The following NRXN1 variants were observed in gnomAD, a reference collection of about 807,000 sequenced individuals.
NRXN1 encodes neurexin-1.
NRXN1 carries 39 observed loss-of-function variants against 150.9 expected under a neutral mutation model. The ratio of observed to expected loss-of-function variants is 0.26; its 90% CI spans 0.20 to 0.34. NRXN1 has a LOEUF of 0.34. Among genes scored for constraint, NRXN1 ranks in the 10% least tolerant of loss-of-function variants. The pLI is 1.00. For synonymous variants in NRXN1, 924 were observed against 757.0 expected (o/e 1.22, Z -3.62); for missense variants, 1,815 against 1,949.9 (o/e 0.93, Z 1.30).
chr2:49,989,449 G>A (rs1285962338), intron 21 of NRXN1, among the ~76,000 whole-genome samples: 1 of 152,136 alleles, frequency 6.6e-6, no homozygotes. Flanking sequence ...AAAACCAACA[G>A]CCAACCAACA....
chr2:50,323,979 A>T (rs2076217026), intron 17 of NRXN1, among the ~76,000 whole-genome samples: 1 of 152,218 alleles, frequency 6.6e-6, no homozygotes, highest in South Asian at 2.1e-4. Context: ...GGTAGGTAGC[A>T]GATAGGGAAT....
intron 5 of NRXN1, among the ~76,000 whole-genome samples, chr2:50,724,253 A>G (rs1028224120): frequency 1.3e-5 from 2 of 152,192 alleles, no homozygotes; most frequent in Admixed American, 1.3e-4. Flanking sequence ...GTACTATATA[A>G]GGTGCTTTAA....
intron 5 of NRXN1, among the ~76,000 whole-genome samples, chr2:50,746,655 T>G (rs1363854866): frequency 1.3e-5 from 2 of 152,144 alleles, no homozygotes; most frequent in East Asian, 3.9e-4. Context: ...CACAATCCAC[T>G]CAGAGACTGG....
chr2:50,377,233 G>A (rs907591097), intron 17 of NRXN1, among the ~76,000 whole-genome samples: 4 of 152,056 alleles, frequency 2.6e-5, no homozygotes, highest in African/African-American at 7.2e-5. Flanking sequence ...GCTATTTATC[G>A]TGATGCTCTC....
intron 17 of NRXN1, among the ~76,000 whole-genome samples, chr2:50,268,957 G>C (rs1162025037): frequency 6.6e-6 from 1 of 152,162 alleles, no homozygotes; most frequent in African/African-American, 2.4e-5. Flanking sequence ...CTAGACAGGT[G>C]AGTAATGCCA....
rs1668201329 is a variant in NRXN1 at position 49,921,552 on chromosome 2, C to G, written c.*392G>C. The G allele has an allele frequency of 5.6e-6, 1 of 178,152 alleles. No homozygotes were observed. Among genetic ancestry groups the G allele is most frequent in the African/African-American group, 2.4e-5 (1 of 41,696 alleles). 11.0% of individuals were successfully genotyped at this position (178,152 alleles called of 1,614,324 possible). The stretch of plus-strand genomic sequence containing the variant: ...GAAAGCGCTAGCACTTTGGCTAAAT[C>G]CAGGATCATAGGTAGCTTCTTTTTT... On this transcript the variant is annotated 3_prime_UTR_variant, in exon 23 of 23. Coordinates refer to ENST00000401669, the MANE Select transcript of NRXN1 (RefSeq NM_001330078.2).
chr2:50,425,445 G>T (rs1386973924), intron 17 of NRXN1, among the ~76,000 whole-genome samples: 2 of 152,114 alleles, frequency 1.3e-5, no homozygotes, highest in Non-Finnish European at 2.9e-5. Flanking sequence ...TTTGTAACCT[G>T]CAAGTTATTG....
intron 5 of NRXN1, among the ~76,000 whole-genome samples, chr2:50,864,037 G>A (rs1676518923): frequency 6.6e-6 from 1 of 152,010 alleles, no homozygotes; most frequent in South Asian, 2.1e-4. Flanking sequence ...AGCAGGATTA[G>A]TGTTTCTGAG....
chr2:50,350,467 G>C lies in NRXN1; in HGVS notation c.3365-113497C>G, dbSNP rs547488530. Among the ~76,000 whole-genome samples, 8 of 152,276 alleles carry C rather than the reference G, an allele frequency of 5.3e-5. No homozygotes were observed. The South Asian group carries it at 8.3e-4, about 16-fold the overall frequency. On this transcript the variant is annotated intron_variant, in intron 17 of 22. Coordinates refer to ENST00000401669, the MANE Select transcript of NRXN1 (RefSeq NM_001330078.2). ...AAACAAGAAGGAAGCCAATAGTCTT[G>C]TTCAACTTCAGCCAGGAACATGTGC...
Position 50,434,649 on chromosome 2 carries a change from T to C in NRXN1, c.3364+30793A>G, listed in dbSNP as rs375026114. 3.3e-5 allele frequency among the ~76,000 whole-genome samples: 5 copies of C among 152,304 alleles called. No individual in the cohort carries two copies. The South Asian group carries it at 1.0e-3, about 32-fold the overall frequency. On this transcript the variant is annotated intron_variant, in intron 17 of 22. Transcript: ENST00000401669. ...TCTATTCTTATCTGTGAAATATATT[T>C]ACAGCCAATAAAAACAATTTTTTAA... is the stretch of plus-strand genomic sequence containing the variant.
At chr2:50,208,120 G>C (rs1291046291) in intron 18 of NRXN1, among the ~76,000 whole-genome samples, 1 of 152,066 alleles carries the variant, frequency 6.6e-6, no homozygotes, top group Non-Finnish European at 1.5e-5. Context: ...CCAAATGATG[G>C]TGTTCTGAAA....
intron 5 of NRXN1, among the ~76,000 whole-genome samples, chr2:50,819,702 A>G (rs181541844): frequency 2.0e-4 from 30 of 152,148 alleles, no homozygotes; most frequent in Admixed American, 1.4e-3. Flanking sequence ...TTAAATCTCA[A>G]TCAAAGGAAA....
chr2:50,650,950 G>C (rs995412873), intron 5 of NRXN1, among the ~76,000 whole-genome samples: 2 of 152,018 alleles, frequency 1.3e-5, no homozygotes, highest in African/African-American at 4.8e-5. Context: ...ACTTTGAGTA[G>C]TAGAAAACTA....
At chr2:50,698,200 C>T (rs1198100680) in intron 5 of NRXN1, among the ~76,000 whole-genome samples, 2 of 152,216 alleles carry the variant, frequency 1.3e-5, no homozygotes, top group South Asian at 2.1e-4. Context: ...AGTAGATATT[C>T]GTTGACAGTA....
At chr2:50,264,036 C>T (rs1282260765) in intron 17 of NRXN1, among the ~76,000 whole-genome samples, 1 of 152,080 alleles carries the variant, frequency 6.6e-6, no homozygotes, top group Non-Finnish European at 1.5e-5. Flanking sequence ...GTGAAGCTTT[C>T]AACCTGCTAT....
intron 5 of NRXN1, among the ~76,000 whole-genome samples, chr2:50,864,187 G>A (rs1174517937): frequency 6.6e-6 from 1 of 151,974 alleles, no homozygotes; most frequent in Non-Finnish European, 1.5e-5. Context: ...ATTCATGCAT[G>A]CATTCATCCA....
intron 17 of NRXN1, among the ~76,000 whole-genome samples, chr2:50,248,591 C>T (rs530670960): frequency 6.6e-6 from 1 of 152,152 alleles, no homozygotes; most frequent in Non-Finnish European, 1.5e-5. Flanking sequence ...GTAGTCAACT[C>T]TGGGATCAGT....
At chr2:50,875,880 G>A (rs1678513359) in intron 5 of NRXN1, among the ~76,000 whole-genome samples, 1 of 151,758 alleles carries the variant, frequency 6.6e-6, no homozygotes, top group Non-Finnish European at 1.5e-5. Flanking sequence ...AATTTAAAAA[G>A]ACAGTACATT....
chr2:50,409,052 C>G (rs2104040470), intron 17 of NRXN1, among the ~76,000 whole-genome samples: 1 of 152,232 alleles, frequency 6.6e-6, no homozygotes, highest in African/African-American at 2.4e-5. Context: ...GGGTTGTTTA[C>G]AGATGAGCCC....
Sources: gnomAD v4.1 joint callset for allele counts (sites outside exome capture counted in the v4.1 genomes callset) on GRCh38, gnomAD v4.1.1 for gene constraint, MANE v1.5 for transcripts, NCBI Gene and HGNC (gene_info 2026-07-23, HGNC 2026-07-21) for gene names.